LAMC3: variants seen among roughly 807,000 people sequenced by gnomAD.
LAMC3 encodes the protein laminin subunit gamma 3, also known as laminin subunit gamma-3.
Under a neutral mutation model 173.8 loss-of-function variants are expected in LAMC3, and 128 were observed. That is an observed-to-expected ratio of 0.74 (90% CI 0.64 to 0.85). The LOEUF (loss-of-function observed/expected upper bound fraction) is 0.85, where lower values mean the gene tolerates loss of function less well. Among genes scored for constraint, LAMC3 ranks in the 40% least tolerant of loss-of-function variants. The probability of loss-of-function intolerance (pLI) is 0.00; values close to 1 mark genes in which losing one functional copy is unlikely to be tolerated. For missense variants in LAMC3, 2,022 were observed against 2,156.0 expected, an observed-to-expected ratio of 0.94 and a Z score of 1.23; for synonymous variants, 897 against 909.1, an observed-to-expected ratio of 0.99 and a Z score of 0.24.
In LAMC3 at chr9:131,087,709, C is replaced by T. The variant is rs765358645; in HGVS notation, c.4378-9C>T. 2 of 1,613,952 alleles carry T rather than the reference C, an allele frequency of 1.2e-6. No homozygotes were observed. Among genetic ancestry groups the T allele is most frequent in the South Asian group, 2.2e-5 (2 of 91,066 alleles). ...CATTCAAGCTGTTTCTTCCTCCTCC[C>T]CCTGAAAGGTGGGTGCTGGGCTGAG... On this transcript the variant is annotated splice_polypyrimidine_tract_variant and intron_variant, in intron 26 of 27. Transcript: ENST00000361069.
In LAMC3 at chr9:131,073,266, A is replaced by C. The variant is rs776161596; in HGVS notation, c.3439A>C (p.Ser1147Arg). Residue 1147 changes from serine to arginine, a missense_variant, in exon 20 of 28, where the codon AGT becomes CGT. Physicochemically the swap from Ser to Arg is moderately radical, Grantham distance 110. Coordinates refer to ENST00000361069, the MANE Select transcript of LAMC3 (RefSeq NM_006059.4). ...ACAGGAGATTCCTCAGGAAGGTCCCAGTCAGCCGACCAAATGGAGCCACCT... is the reference window on the plus strand; with the variant it reads ...ACAGGAGATTCCTCAGGAAGGTCCCCGTCAGCCGACCAAATGGAGCCACCT... ...ASLEIPQEGP[S>R]QPTKWSHLAT... is the part of the protein sequence containing the mutation. 2 of 1,613,666 alleles carry C rather than the reference A, an allele frequency of 1.2e-6. No individual in the cohort carries two copies. The highest frequency in any genetic ancestry group is 3.3e-5 in the Admixed American group (2 of 60,012).
At chr9:131,051,660 G>C (rs1264299188) in intron 9 of LAMC3, among the ~76,000 whole-genome samples, 1 of 152,118 alleles carries the variant, frequency 6.6e-6, no homozygotes, top group African/African-American at 2.4e-5. Flanking sequence ...ACAATGCCAG[G>C]CTGCGTATTT....
intron 1 of LAMC3, among the ~76,000 whole-genome samples, chr9:131,023,396 G>A (rs577497350): frequency 6.6e-6 from 1 of 152,226 alleles, no homozygotes; most frequent in South Asian, 2.1e-4. Flanking sequence ...ATTCCCATCA[G>A]CAGTCTATGA....
intron 13 of LAMC3, among the ~76,000 whole-genome samples, 200 bp downstream of exon 13, chr9:131,061,423 T>C (rs76709774): frequency 1.3e-5 from 2 of 152,184 alleles, no homozygotes; most frequent in Non-Finnish European, 2.9e-5. Flanking sequence ...TGCCGCACAT[T>C]GCCAGCAGAA....
intron 1 of LAMC3, among the ~76,000 whole-genome samples, chr9:131,019,638 A>G (rs1176552849): frequency 6.6e-6 from 1 of 152,088 alleles, no homozygotes; most frequent in Non-Finnish European, 1.5e-5. Context: ...ATCCCCAAAC[A>G]CTTCATTTAC....
Position 131,026,734 on chromosome 9 carries a change from G to A in LAMC3, c.678+145G>A. 1.5e-6 allele frequency: 2 copies of A among 1,375,744 alleles called. No individual in the cohort carries two copies. The highest frequency in any genetic ancestry group is 2.9e-5 in the Admixed American group (1 of 34,788). 85.2% of individuals were successfully genotyped at this position (1,375,744 alleles called of 1,614,324 possible). A position where few individuals can be genotyped will look rare whatever the true frequency, so the allele number is the denominator to read the frequency against. Reference sequence around the variant, plus strand: ...TTTTCTTCTTTTATTTTTGGAGACTGAGTCTTGCTCTGTCGCCCAGGCTGG... The same window carrying A: ...TTTTCTTCTTTTATTTTTGGAGACTAAGTCTTGCTCTGTCGCCCAGGCTGG... On this transcript the variant is annotated intron_variant, in intron 2 of 27. Coordinates refer to ENST00000361069, the MANE Select transcript of LAMC3 (RefSeq NM_006059.4). This position sits in a 1 kb window ranked among gnomAD's most constrained non-coding sequence, Gnocchi z 4.8.
Position 131,026,718 on chromosome 9 carries a change from T to G in LAMC3, c.678+129T>G. The G allele has an allele frequency of 7.1e-7, 1 of 1,406,932 alleles. No individual in the cohort carries two copies. The highest frequency in any genetic ancestry group is 9.3e-7 in the Non-Finnish European group (1 of 1,076,354). The allele number at this position is 1,406,932 out of a possible 1,614,324, so 87.2% of individuals were successfully genotyped here. Reference sequence around the variant, plus strand: ...AACCCCATGGTTTTCTTTTTCTTCTTTTATTTTTGGAGACTGAGTCTTGCT... The same window carrying G: ...AACCCCATGGTTTTCTTTTTCTTCTGTTATTTTTGGAGACTGAGTCTTGCT... On this transcript the variant is annotated intron_variant, in intron 2 of 27. Transcript: ENST00000361069. This position sits in a 1 kb window ranked among gnomAD's most constrained non-coding sequence, Gnocchi z 4.8.
chr9:131,032,533 TGTCTCTCTCTCTTGCTCTCTCTCG>T (rs1319815206), intron 3 of LAMC3, among the ~76,000 whole-genome samples: 43 of 64,926 alleles, frequency 6.6e-4, no homozygotes, highest in African/African-American at 1.5e-3. Context: ...TCTCTCTCGC[TGTCTCTCTCTCTTGCTCTCTCTCG>T]CTCTCTCTCT....
At chr9:131,031,983 G>C (rs557733075) in intron 2 of LAMC3, 62 bp from the exon 3 acceptor site, 3 of 1,613,286 alleles carry the variant, frequency 1.9e-6, no homozygotes, top group Non-Finnish European at 2.5e-6. Flanking sequence ...CCAGCAGAGC[G>C]ATGGGGGTAA....
intron 10 of LAMC3, 44 bp downstream of exon 10, chr9:131,052,727 G>A (rs1378725408): frequency 1.3e-6 from 2 of 1,573,156 alleles, no homozygotes; most frequent in South Asian, 1.1e-5. Context: ...GGTGAGAGGG[G>A]TGGTCTCTGA....
At position 131,009,186 on chromosome 9, in the gene LAMC3, C is replaced by T. The variant is rs1833354565; in HGVS notation, c.-29C>T. The stretch of plus-strand genomic sequence containing the variant: ...GCCCACCCTAGCCGAGCGGGGCCGG[C>T]AGAGCGCGCGGCGTCGGTGCCCTTG... On this transcript the variant is annotated 5_prime_UTR_variant, in exon 1 of 28. Coordinates refer to ENST00000361069, the MANE Select transcript of LAMC3 (RefSeq NM_006059.4). This position sits in a 1 kb window ranked among gnomAD's most constrained non-coding sequence, Gnocchi z 4.3. 2.2e-5 allele frequency: 26 copies of T among 1,182,990 alleles called. No individual in the cohort carries two copies. Among genetic ancestry groups the T allele is most frequent in the Non-Finnish European group, 2.6e-5 (25 of 958,852 alleles). The allele number at this position is 1,182,990 out of a possible 1,614,324, so 73.3% of individuals were successfully genotyped here.
intron 16 of LAMC3, 85 bp from the exon 17 acceptor site, chr9:131,069,587 C>T (rs550444696): frequency 3.2e-4 from 444 of 1,392,294 alleles, no homozygotes; most frequent in Non-Finnish European, 3.9e-4. Flanking sequence ...GAACCCAGCA[C>T]GCACTGCCCC....
At chr9:131,036,801 A>G (rs897909420) in intron 4 of LAMC3, among the ~76,000 whole-genome samples, 2 of 152,274 alleles carry the variant, frequency 1.3e-5, no homozygotes, top group African/African-American at 4.8e-5. Flanking sequence ...TGATGCCATC[A>G]TGTCTTCTCC....
intron 20 of LAMC3, 43 bp from the exon 21 acceptor site, chr9:131,075,788 C>A: frequency 6.3e-7 from 1 of 1,584,678 alleles, no homozygotes; most frequent in East Asian, 2.3e-5. Flanking sequence ...GGGCCCCTTC[C>A]CTGCGAGCCC....
chr9:131,073,845 A>G (rs1468071420), intron 20 of LAMC3, among the ~76,000 whole-genome samples: 1 of 151,760 alleles, frequency 6.6e-6, no homozygotes, highest in African/African-American at 2.4e-5. Context: ...CTCTATAGAT[A>G]TGCCTATTCT....
chr9:131,054,910 C>T (rs1438892871), intron 11 of LAMC3, among the ~76,000 whole-genome samples: 1 of 152,114 alleles, frequency 6.6e-6, no homozygotes, highest in Non-Finnish European at 1.5e-5. Flanking sequence ...TGCTTTTTGT[C>T]AGCTAACAGT....
intron 1 of LAMC3, among the ~76,000 whole-genome samples, chr9:131,013,514 C>T (rs1833462207): frequency 6.6e-6 from 1 of 152,204 alleles, no homozygotes; most frequent in East Asian, 1.9e-4. Flanking sequence ...AGCCTTGGCT[C>T]ACTGGCCACA....
intron 17 of LAMC3, among the ~76,000 whole-genome samples, chr9:131,070,712 T>TA (rs879797016): frequency 1.1e-3 from 167 of 145,672 alleles, no homozygotes; most frequent in Middle Eastern, 0.011. Flanking sequence ...AGACTCTGTC[T>TA]AAAAAAAAAA....
intron 1 of LAMC3, among the ~76,000 whole-genome samples, chr9:131,013,393 G>A (rs879854515): frequency 3.3e-5 from 5 of 152,148 alleles, no homozygotes; most frequent in Non-Finnish European, 5.9e-5. Context: ...AAAAAGACCT[G>A]AGTCCCCCAA....
Sources: gnomAD v4.1 joint callset for allele counts (sites outside exome capture counted in the v4.1 genomes callset) on GRCh38, gnomAD v4.1.1 for gene constraint, Gnocchi (gnomAD v3.1) non-coding constraint, MANE v1.5 for transcripts, NCBI Gene and HGNC (gene_info 2026-07-23, HGNC 2026-07-21) for gene names.